Variants in MPRIP observed in about 807,000 individuals in gnomAD.
The protein encoded by MPRIP is myosin phosphatase Rho interacting protein, also known as myosin phosphatase Rho-interacting protein.
In MPRIP, 59 loss-of-function variants were observed where a neutral mutation model predicts 234.9. That is an observed-to-expected ratio of 0.25 (90% CI 0.20 to 0.31). The LOEUF (loss-of-function observed/expected upper bound fraction) is 0.31, where lower values mean the gene tolerates loss of function less well. Among genes scored for constraint, MPRIP ranks in the 10% least tolerant of loss-of-function variants. The pLI, the probability that MPRIP is intolerant of heterozygous loss-of-function variation, is 1.00. For missense variants in MPRIP, 2,436 were observed against 3,071.0 expected, an observed-to-expected ratio of 0.79 and a Z score of 4.89; for synonymous variants, 1,144 against 1,263.9, an observed-to-expected ratio of 0.91 and a Z score of 2.01.
intron 1 of MPRIP, among the ~76,000 whole-genome samples, chr17:17,056,985 G>A (rs1160408279): frequency 6.6e-6 from 1 of 152,254 alleles, no homozygotes; most frequent in African/African-American, 2.4e-5. Context: ...TAGACAGTGG[G>A]ATTGCTTCAC....
chr17:17,094,642 A>T (rs2089799305), intron 3 of MPRIP, among the ~76,000 whole-genome samples: 5 of 138,272 alleles, frequency 3.6e-5, no homozygotes, highest in South Asian at 2.3e-4. Flanking sequence ...TTTTTAATGG[A>T]GTCTCGCTCT....
rs768340931 is a variant in MPRIP at position 17,158,924 on chromosome 17, C to T, written c.2322C>T (p.Ile774=). 1.9e-6 allele frequency: 3 copies of T among 1,612,584 alleles called. No individual in the cohort carries two copies. The highest frequency in any genetic ancestry group is 2.7e-5 in the African/African-American group (2 of 74,918). The part of the protein sequence containing the change: ...TPLREEKQVP[I]APVHLSSEDG... Reference sequence around the variant, plus strand: ...TCCGGGAAGAGAAGCAGGTGCCCATCGCCCCCGTCCACCTGTCTTCTGAAG... The same window carrying T: ...TCCGGGAAGAGAAGCAGGTGCCCATTGCCCCCGTCCACCTGTCTTCTGAAG... Residue 774 remains isoleucine (I), a synonymous_variant, in exon 14 of 24, where the codon ATC becomes ATT. Transcript: ENST00000651222.
intron 1 of MPRIP, among the ~76,000 whole-genome samples, chr17:17,053,851 A>G (rs916158079): frequency 6.6e-6 from 1 of 152,224 alleles, no homozygotes; most frequent in Non-Finnish European, 1.5e-5. Flanking sequence ...CAGCCCCTTG[A>G]GGACTGGAAG....
chr17:17,116,359 G>A (rs1041210590), intron 3 of MPRIP, among the ~76,000 whole-genome samples: 3 of 152,224 alleles, frequency 2.0e-5, no homozygotes, highest in South Asian at 2.1e-4. Flanking sequence ...TCTGTGCAGC[G>A]GGTAACCGTG....
rs371314574 is a variant in MPRIP at position 17,078,145 on chromosome 17, G to A, written c.267+69G>A. ...AGTCCCTCCATTACAGTGCCCTTGC[G>A]TTGTCATGTGAGAGCACAGCAGCCA... On this transcript the variant is annotated intron_variant, in intron 3 of 23. Coordinates refer to ENST00000651222, the MANE Select transcript of MPRIP (RefSeq NM_001364716.4). This position sits in a 1 kb window ranked among gnomAD's most constrained non-coding sequence, Gnocchi z 4.3. The A allele has an allele frequency of 2.5e-4, 382 of 1,498,610 alleles. No individual in the cohort carries two copies. The highest frequency in any genetic ancestry group is 3.2e-4 in the Non-Finnish European group (342 of 1,077,276). 92.8% of individuals were successfully genotyped at this position (1,498,610 alleles called of 1,614,324 possible).
chr17:17,136,198 C>T (rs2090691823), intron 5 of MPRIP, 21 bp from the exon 6 acceptor site: 1 of 1,613,564 alleles, frequency 6.2e-7, no homozygotes, highest in Admixed American at 1.7e-5. Flanking sequence ...CCTTCACAGA[C>T]ACCACTTTCT....
At position 17,150,201 on chromosome 17, in the gene MPRIP, C is replaced by G. The variant is rs769376608; in HGVS notation, c.1687C>G (p.Pro563Ala). ...CGCATGTTACGATGTCACAGAGTAT[C>G]CAGTTCAGAGAAACTATGGCTTCCA... The part of the protein sequence containing the change: ...LSACYDVTEY[P>A]VQRNYGFQIH... The change falls in exon 12 of 24, where the codon CCA (proline) becomes GCA (alanine). Residue 563 changes from proline to alanine, a missense_variant. This residue lies in a region of MPRIP where 1,998 missense variants were observed against 2,520.3 expected (regional missense o/e 0.79). Transcript: ENST00000651222. The G allele has an allele frequency of 4.0e-5, 65 of 1,613,548 alleles. No homozygotes were observed. The Admixed American group carries it at 1.0e-3, about 25-fold the overall frequency.
intron 15 of MPRIP, among the ~76,000 whole-genome samples, chr17:17,162,901 C>CT (rs771787669): frequency 1.3e-5 from 2 of 152,208 alleles, no homozygotes; most frequent in South Asian, 2.1e-4. Context: ...GGATACTCAA[C>CT]TTGTACTAAG....
At chr17:17,051,973 G>A (rs1241123142) in intron 1 of MPRIP, among the ~76,000 whole-genome samples, 1 of 152,244 alleles carries the variant, frequency 6.6e-6, no homozygotes, top group African/African-American at 2.4e-5. Flanking sequence ...TGGGCCTGCC[G>A]GATCCTTTGA....
intron 3 of MPRIP, among the ~76,000 whole-genome samples, chr17:17,117,389 G>A (rs1437388009): frequency 2.0e-5 from 3 of 152,336 alleles, no homozygotes; most frequent in Non-Finnish European, 4.4e-5. Context: ...CTAGCCCCTG[G>A]CAACCACTCC....
intron 16 of MPRIP, 128 bp from the exon 17 acceptor site, chr17:17,171,590 G>A: frequency 8.1e-7 from 1 of 1,236,128 alleles, no homozygotes; most frequent in Non-Finnish European, 1.1e-6. Flanking sequence ...CCATGGTGGA[G>A]CAAGCTCAGT....
At chr17:17,181,076 T>C (rs919583226) in intron 23 of MPRIP, among the ~76,000 whole-genome samples, 1 of 152,356 alleles carries the variant, frequency 6.6e-6, no homozygotes, top group East Asian at 1.9e-4. Context: ...GTGGCCTCTG[T>C]CTGTCAAGGC....
chr17:17,083,191 A>G (rs2144092374), intron 3 of MPRIP, among the ~76,000 whole-genome samples: 1 of 152,368 alleles, frequency 6.6e-6, no homozygotes, highest in South Asian at 2.1e-4. Context: ...CCTCGGACAT[A>G]GTAGAGAAAA....
chr17:17,074,712 T>C (rs930029762), intron 1 of MPRIP, among the ~76,000 whole-genome samples: 2 of 152,202 alleles, frequency 1.3e-5, no homozygotes, highest in African/African-American at 4.8e-5. Context: ...TTCTGGACCA[T>C]TTGCATAAGT....
intron 1 of MPRIP, among the ~76,000 whole-genome samples, chr17:17,050,333 A>G (rs2088498448): frequency 1.3e-5 from 2 of 151,764 alleles, no homozygotes; most frequent in Admixed American, 6.6e-5. Flanking sequence ...AAAAAAAAAA[A>G]AAGAGGTGAA....
At chr17:17,084,724 G>T (rs1167403154) in intron 3 of MPRIP, among the ~76,000 whole-genome samples, 1 of 152,234 alleles carries the variant, frequency 6.6e-6, no homozygotes, top group Non-Finnish European at 1.5e-5. Context: ...CTGACCCTCT[G>T]GTTTGTCTGT....
rs756832139 is a variant in MPRIP at position 17,171,797 on chromosome 17, G to A, written c.6404G>A (p.Arg2135Gln). ...GAAGATCTCCAGAGGCAGCACCAGCGGGAGCTAGAGAAACTTCGAGAAGAG... is the reference window on the plus strand; with the variant it reads ...GAAGATCTCCAGAGGCAGCACCAGCAGGAGCTAGAGAAACTTCGAGAAGAG... Reference protein sequence around the residue: ...KIEDLQRQHQRELEKLREEKD... With the variant: ...KIEDLQRQHQQELEKLREEKD... Residue 2135 changes from arginine (R) to glutamine (Q), a missense_variant, in exon 17 of 24, where the codon CGG (arginine) becomes CAG (glutamine). Arg to Gln is a conservative substitution (Grantham distance 43). Around this residue, in one of 4 missense-constraint regions of MPRIP, gnomAD observed 1,998 missense variants for 2,520.3 expected, o/e 0.79. Coordinates refer to ENST00000651222, the MANE Select transcript of MPRIP (RefSeq NM_001364716.4). 4.3e-6 allele frequency: 7 copies of A among 1,613,714 alleles called. No homozygotes were observed. Among genetic ancestry groups the A allele is most frequent in the Admixed American group, 1.7e-5 (1 of 60,020 alleles).
At chr17:17,092,122 C>T (rs1044284386) in intron 3 of MPRIP, among the ~76,000 whole-genome samples, 4 of 152,238 alleles carry the variant, frequency 2.6e-5, no homozygotes, top group African/African-American at 7.2e-5. Context: ...ACCATCTTGT[C>T]GCTTCTTCCA....
chr17:17,069,272 G>A (rs1220226220), intron 1 of MPRIP, among the ~76,000 whole-genome samples: 1 of 151,906 alleles, frequency 6.6e-6, no homozygotes, highest in East Asian at 1.9e-4. Flanking sequence ...ATATTTTCAG[G>A]ATGTATCACT....
Sources: gnomAD v4.1 joint callset for allele counts (sites outside exome capture counted in the v4.1 genomes callset) on GRCh38, gnomAD v4.1.1 for gene constraint, gnomAD v4.1.1 regional missense constraint, Gnocchi (gnomAD v3.1) non-coding constraint, MANE v1.5 for transcripts, NCBI Gene and HGNC (gene_info 2026-07-23, HGNC 2026-07-21) for gene names.